UNC79: variants seen among roughly 807,000 people sequenced by gnomAD.
UNC79 encodes unc-79 subunit of NALCN channel complex.
UNC79 carries 37 observed loss-of-function variants against 283.1 expected under a neutral mutation model. The observed-to-expected ratio is 0.13, with a 90% CI of 0.10 to 0.17. The LOEUF (loss-of-function observed/expected upper bound fraction) is 0.17. UNC79 is among the 10% of genes least tolerant of loss of function. UNC79 has a pLI of 1.00. For synonymous variants in UNC79, 1,107 were observed against 1,200.2 expected (o/e 0.92, Z 1.61); for missense variants, 2,272 against 3,211.1 (o/e 0.71, Z 7.07).
At chr14:93,618,450 A>G in intron 29 of UNC79, 96 bp downstream of exon 30, 1 of 1,250,424 alleles carries the variant, frequency 8.0e-7, no homozygotes, top group Non-Finnish European at 1.0e-6. Context: ...CCCAGATATC[A>G]TTCTGGAGTA....
chr14:93,423,313 G>A (rs12100637), intron 1 of UNC79, among the ~76,000 whole-genome samples: 9,503 of 151,962 alleles, frequency 0.063, 1,034 homozygotes, highest in African/African-American at 0.22. Flanking sequence ...TTCAATTCAA[G>A]CCCTATCAAA....
exon 19 of UNC79, chr14:93,580,303 C>G: frequency 6.2e-7 from 1 of 1,614,232 alleles, no homozygotes; most frequent in Non-Finnish European, 8.5e-7. Context: ...TTATGTCAGT[C>G]TAGTATCCTC....
chr14:93,435,406 C>A (rs1447869780), intron 1 of UNC79, among the ~76,000 whole-genome samples: 2 of 152,178 alleles, frequency 1.3e-5, no homozygotes, highest in Admixed American at 6.5e-5. Flanking sequence ...TTCTTCCTGC[C>A]TTTTGAAAAT....
intron 33 of UNC79, among the ~76,000 whole-genome samples, chr14:93,642,424 CAAAAAAAAAAA>C (rs5810634): frequency 9.4e-6 from 1 of 106,178 alleles, no homozygotes; most frequent in Non-Finnish European, 1.8e-5. Flanking sequence ...GACTCCATCT[CAAAAAAAAAAA>C]AAAAAAAAAG....
intron 40 of UNC79, among the ~76,000 whole-genome samples, chr14:93,670,397 G>T (rs2072713255): frequency 6.6e-6 from 1 of 152,194 alleles, no homozygotes; most frequent in African/African-American, 2.4e-5. Flanking sequence ...ATAAATTAGG[G>T]ATCCTTCCTC....
intron 7 of UNC79, among the ~76,000 whole-genome samples, chr14:93,498,886 GA>G (rs1029284864): frequency 6.6e-6 from 1 of 152,118 alleles, no homozygotes; most frequent in African/African-American, 2.4e-5. Context: ...GAAAATGAGA[GA>G]GAGAGATATT....
rs750884897 is a variant in UNC79, at chr14:93,578,076, T to C, written c.2433+13T>C. On this transcript the variant is annotated intron_variant, in intron 18 of 48. Coordinates refer to ENST00000555664, the Ensembl canonical transcript of UNC79. ...TCTCCTGAAGCAGGTAGCTGAAGCA[T>C]GAGCTTCCTTTAGTTCAGAGGTGAA... 1.2e-6 allele frequency: 2 copies of C among 1,612,126 alleles called. No homozygotes were observed. Among genetic ancestry groups the C allele is most frequent in the Non-Finnish European group, 1.7e-6 (2 of 1,178,484 alleles).
chr14:93,471,618 A>G (rs1305333727), intron 2 of UNC79, among the ~76,000 whole-genome samples: 1 of 152,140 alleles, frequency 6.6e-6, no homozygotes, highest in Non-Finnish European at 1.5e-5. Flanking sequence ...ACATCATAAA[A>G]TCACAATGCA....
intron 4 of UNC79, among the ~76,000 whole-genome samples, chr14:93,485,175 A>AAT (rs1282931724): frequency 6.7e-6 from 1 of 150,222 alleles, no homozygotes; most frequent in African/African-American, 2.5e-5. Flanking sequence ...CCAAAACAAG[A>AAT]ATATATATAT....
At chr14:93,364,972 A>T (rs2054299337) in intron 1 of UNC79, among the ~76,000 whole-genome samples, 1 of 152,112 alleles carries the variant, frequency 6.6e-6, no homozygotes, top group Non-Finnish European at 1.5e-5. Context: ...ATGGCTCATG[A>T]CTATAATCTC....
At chr14:93,450,701 A>G (rs927939727) in intron 1 of UNC79, among the ~76,000 whole-genome samples, 4 of 152,160 alleles carry the variant, frequency 2.6e-5, no homozygotes, top group Admixed American at 2.6e-4. Flanking sequence ...AAAAATCTCT[A>G]GAAGTATGTA....
intron 5 of UNC79, among the ~76,000 whole-genome samples, chr14:93,493,348 G>A (rs1566996989): frequency 1.3e-5 from 2 of 152,156 alleles, no homozygotes; most frequent in Non-Finnish European, 2.9e-5. Flanking sequence ...GGTGTTGTGA[G>A]CTATGTTAGG....
rs548478357 is a variant in UNC79 at position 93,501,700 on chromosome 14, A to C, written c.898+4414A>C. Among the ~76,000 whole-genome samples, 13 of 152,308 alleles carry C rather than the reference A, an allele frequency of 8.5e-5. No homozygotes were observed. In the South Asian group the frequency reaches 2.7e-3, roughly 32 times the overall value. On this transcript the variant is annotated intron_variant, in intron 7 of 48. Transcript: ENST00000555664. ...AGACTCCGTCTCAAAAAAAAAAAGA[A>C]AAATTATAGCAATATGTAAGGAGGA...
At chr14:93,435,452 C>A (rs2056050251) in intron 1 of UNC79, among the ~76,000 whole-genome samples, 1 of 152,132 alleles carries the variant, frequency 6.6e-6, no homozygotes, top group Non-Finnish European at 1.5e-5. Flanking sequence ...AGTCCTCTCT[C>A]TCACTCTTTT....
At chr14:93,579,787 A>T (rs530557378) in intron 18 of UNC79, among the ~76,000 whole-genome samples, 1 of 152,194 alleles carries the variant, frequency 6.6e-6, no homozygotes, top group Non-Finnish European at 1.5e-5. Context: ...TTAGCAGCTC[A>T]TGGTATTTAG....
At chr14:93,586,655 C>T in exon 21 of UNC79, 1 of 1,613,896 alleles carries the variant, frequency 6.2e-7, no homozygotes, top group South Asian at 1.1e-5. Flanking sequence ...AACATTGAGA[C>T]TAATATATAC....
chr14:93,473,048 T>C (rs2057605816), intron 2 of UNC79, among the ~76,000 whole-genome samples: 1 of 152,130 alleles, frequency 6.6e-6, no homozygotes, highest in African/African-American at 2.4e-5. Flanking sequence ...AAAAAGGTTT[T>C]TATTTTAAAA....
intron 47 of UNC79, among the ~76,000 whole-genome samples, chr14:93,700,978 G>A (rs2075486743): frequency 6.6e-6 from 1 of 152,084 alleles, no homozygotes; most frequent in South Asian, 2.1e-4. Context: ...AGACTCAGGG[G>A]GATCCCTTTT....
intron 22 of UNC79, among the ~76,000 whole-genome samples, chr14:93,587,935 G>A (rs1396912596): frequency 6.6e-6 from 1 of 152,230 alleles, no homozygotes; most frequent in Non-Finnish European, 1.5e-5. Context: ...TTGAGATAAC[G>A]ATAGAATTTT....
Sources: gnomAD v4.1 joint callset for allele counts (sites outside exome capture counted in the v4.1 genomes callset) on GRCh38, gnomAD v4.1.1 for gene constraint, MANE v1.5 for transcripts, NCBI Gene and HGNC (gene_info 2026-07-23, HGNC 2026-07-21) for gene names.